The following NOL4 variants were observed in gnomAD, a reference collection of about 807,000 sequenced individuals.
The protein encoded by NOL4 is nucleolar protein 4.
NOL4 carries 17 observed loss-of-function variants against 75.9 expected under a neutral mutation model. The observed-to-expected ratio is 0.22, with a 90% CI of 0.15 to 0.34. The LOEUF is 0.34. Among genes scored for constraint, NOL4 ranks in the 10% least tolerant of loss-of-function variants. The pLI, the probability that NOL4 is intolerant of heterozygous loss-of-function variation, is 1.00. For missense variants in NOL4, 614 were observed against 793.5 expected, an observed-to-expected ratio of 0.77 and a Z score of 2.72; for synonymous variants, 292 against 289.9, an observed-to-expected ratio of 1.01 and a Z score of -0.07.
At chr18:33,874,827 C>A (rs2063855839) in intron 10 of NOL4, among the ~76,000 whole-genome samples, 1 of 151,948 alleles carries the variant, frequency 6.6e-6, no homozygotes, top group Admixed American at 6.6e-5. Flanking sequence ...CACTGTAAAC[C>A]AGTTCTAGTG....
chr18:33,897,394 A>C (rs1432210825), intron 9 of NOL4, among the ~76,000 whole-genome samples: 1 of 152,216 alleles, frequency 6.6e-6, no homozygotes, highest in African/African-American at 2.4e-5. Context: ...TTGGATTAAG[A>C]AAATGTGGTA....
chr18:34,096,129 A>G lies in NOL4; in HGVS notation c.640-2532T>C, dbSNP rs189216653. ...AATGTATGCTGACACTCTTGCCAGC[A>G]TACATTTTAATAAATTCAGATGAGA... On this transcript the variant is annotated intron_variant, in intron 4 of 10. Transcript: ENST00000261592. 1.9e-3 allele frequency among the ~76,000 whole-genome samples: 285 copies of G among 152,144 alleles called. 8 individuals carry two copies. In the South Asian group the frequency reaches 0.031, roughly 16 times the overall value.
intron 1 of NOL4, among the ~76,000 whole-genome samples, chr18:34,207,850 G>A (rs1216879794): frequency 6.6e-6 from 1 of 152,160 alleles, no homozygotes; most frequent in East Asian, 1.9e-4. Context: ...GCCAGAGACA[G>A]GTTTTTCCAC....
At chr18:34,073,780 A>G (rs1446638735) in intron 5 of NOL4, among the ~76,000 whole-genome samples, 1 of 152,086 alleles carries the variant, frequency 6.6e-6, no homozygotes, top group African/African-American at 2.4e-5. Flanking sequence ...AATGCAATCA[A>G]ATAAAAAACT....
chr18:34,068,642 C>T (rs369882457), intron 5 of NOL4, among the ~76,000 whole-genome samples: 1 of 152,126 alleles, frequency 6.6e-6, no homozygotes, highest in African/African-American at 2.4e-5. Context: ...TCATGTCCAC[C>T]CACCTCGGCC....
At chr18:33,870,474 A>G (rs762993275) in intron 10 of NOL4, among the ~76,000 whole-genome samples, 1 of 152,038 alleles carries the variant, frequency 6.6e-6, no homozygotes, top group Non-Finnish European at 1.5e-5. Context: ...AAAAAAACCA[A>G]TTAATATTTT....
chr18:34,222,255 C>A, intron 1 of NOL4: 1 of 1,387,248 alleles, frequency 7.2e-7, no homozygotes, highest in Non-Finnish European at 9.3e-7. Flanking sequence ...AATACACACA[C>A]CATTCGATAG....
At chr18:33,959,636 A>AT (rs1264781326) in intron 6 of NOL4, among the ~76,000 whole-genome samples, 1 of 152,080 alleles carries the variant, frequency 6.6e-6, no homozygotes. Flanking sequence ...TATAAAAGAT[A>AT]TTTTTTGAGA....
At chr18:34,146,591 C>T (rs561520667) in intron 1 of NOL4, among the ~76,000 whole-genome samples, 1 of 152,124 alleles carries the variant, frequency 6.6e-6, no homozygotes, top group African/African-American at 2.4e-5. Context: ...CTATATATCT[C>T]TTTTGGTAGC....
intron 2 of NOL4, among the ~76,000 whole-genome samples, chr18:34,120,197 G>A (rs1290312306): frequency 6.6e-6 from 1 of 152,134 alleles, no homozygotes; most frequent in East Asian, 1.9e-4. Flanking sequence ...ACCAAAAGCA[G>A]AAGTGATAGG....
chr18:33,867,138 G>T (rs1022459689), intron 10 of NOL4, among the ~76,000 whole-genome samples: 1 of 152,050 alleles, frequency 6.6e-6, no homozygotes, highest in Non-Finnish European at 1.5e-5. Context: ...TACCGTAGGG[G>T]GTTAATTGTT....
Position 33,919,110 on chromosome 18 carries a change from A to G in NOL4, c.1542+23955T>C, listed in dbSNP as rs76473005. ...TGTTGAAGTAAATCATTTGTCTCAAATCAAGGGTAGATTGAATTATTTCTG... is the reference window on the plus strand; with the variant it reads ...TGTTGAAGTAAATCATTTGTCTCAAGTCAAGGGTAGATTGAATTATTTCTG... On this transcript the variant is annotated intron_variant, in intron 9 of 10. Coordinates refer to ENST00000261592, the MANE Select transcript of NOL4 (RefSeq NM_003787.5). Among the ~76,000 whole-genome samples, 628 of 152,278 alleles carry G rather than the reference A, an allele frequency of 4.1e-3. 13 individuals are homozygous for G. The East Asian group carries it at 0.06, about 14-fold the overall frequency.
intron 6 of NOL4, among the ~76,000 whole-genome samples, chr18:34,006,437 C>T (rs772126569): frequency 5.3e-5 from 8 of 151,982 alleles, no homozygotes; most frequent in Non-Finnish European, 1.0e-4. Flanking sequence ...TTGCTGAGTA[C>T]CCAATCTACT....
In NOL4 at chr18:34,037,161, G is replaced by C. The variant is rs375956709; in HGVS notation, c.773-17560C>G. ...AATAGCTGAAAGTGAAATCAAGAAGGCAATTCCACTTACAATAGCTACAAA... is the reference window on the plus strand; with the variant it reads ...AATAGCTGAAAGTGAAATCAAGAAGCCAATTCCACTTACAATAGCTACAAA... On this transcript the variant is annotated intron_variant, in intron 5 of 10. Coordinates refer to ENST00000261592, the MANE Select transcript of NOL4 (RefSeq NM_003787.5). Among the ~76,000 whole-genome samples the C allele has an allele frequency of 9.2e-5, 14 of 152,128 alleles. No homozygotes were observed. The East Asian group carries it at 2.7e-3, about 29-fold the overall frequency.
At chr18:34,202,071 C>T (rs1270288175) in intron 1 of NOL4, among the ~76,000 whole-genome samples, 1 of 151,808 alleles carries the variant, frequency 6.6e-6, no homozygotes, top group East Asian at 1.9e-4. Context: ...TGTCCTGGAT[C>T]TGGTAACCAG....
chr18:34,128,927 A>G, intron 2 of NOL4: 1 of 840,234 alleles, frequency 1.2e-6, no homozygotes, highest in Non-Finnish European at 1.4e-6. Context: ...ATTGTATATC[A>G]ATATAGCTGA....
At position 34,115,290 on chromosome 18, in the gene NOL4, C is replaced by T. The variant is rs533805872; in HGVS notation, c.415-10130G>A. ...AGGTGGTGCATGCAGCTGCACCAAT[C>T]GAAAGAACTACCTTGGGCCAGTCAC... On this transcript the variant is annotated intron_variant, in intron 2 of 10. Transcript: ENST00000261592. Among the ~76,000 whole-genome samples the T allele has an allele frequency of 7.9e-5, 12 of 152,184 alleles. No homozygotes were observed. In the East Asian group the frequency reaches 1.6e-3, roughly 20 times the overall value.
intron 1 of NOL4, among the ~76,000 whole-genome samples, chr18:34,165,342 C>T (rs932345338): frequency 3.9e-5 from 6 of 152,112 alleles, no homozygotes; most frequent in Admixed American, 6.5e-5. Flanking sequence ...GATCAGAACA[C>T]CCATGTTCCA....
At chr18:34,073,384 C>T (rs1043682161) in intron 5 of NOL4, among the ~76,000 whole-genome samples, 2 of 151,698 alleles carry the variant, frequency 1.3e-5, no homozygotes, top group African/African-American at 2.4e-5. Context: ...CCATGGATAT[C>T]CCAAAATCCA....
Sources: gnomAD v4.1 joint callset for allele counts (sites outside exome capture counted in the v4.1 genomes callset) on GRCh38, gnomAD v4.1.1 for gene constraint, MANE v1.5 for transcripts, NCBI Gene and HGNC (gene_info 2026-07-23, HGNC 2026-07-21) for gene names.